The following THAP6 variants were observed in gnomAD, a reference collection of about 807,000 sequenced individuals.
THAP6 encodes THAP domain containing 6, also known as THAP domain-containing protein 6.
A neutral mutation model predicts 20.0 loss-of-function variants in THAP6; 13 were observed. The ratio of observed to expected loss-of-function variants is 0.65; its 90% CI spans 0.42 to 1.03. THAP6 has a LOEUF of 1.03. THAP6 is among the 50% of genes least tolerant of loss of function. The pLI, the probability that THAP6 is intolerant of heterozygous loss-of-function variation, is 0.00. For synonymous variants in THAP6, 93 were observed against 92.2 expected, an observed-to-expected ratio of 1.01 and a Z score of -0.05; for missense variants, 262 against 261.6, an observed-to-expected ratio of 1.00 and a Z score of -0.01.
intron 4 of THAP6, 37 bp from the exon 5 acceptor site, chr4:75,526,923 T>C (rs972286160): frequency 6.2e-7 from 1 of 1,600,586 alleles, no homozygotes; most frequent in South Asian, 1.1e-5. Flanking sequence ...CAACTACATA[T>C]CTGTCTGATT....
At position 75,521,877 on chromosome 4, in the gene THAP6, G is replaced by A; in HGVS notation, c.414+16G>A. On this transcript the variant is annotated intron_variant, in intron 4 of 4. Transcript: ENST00000311638. ...GTTCATTTTTGTAAGTAAATTACTT[G>A]CTGAGCTCATGTTAATTCTTTTAAG... The A allele has an allele frequency of 6.2e-7, 1 of 1,612,960 alleles. No individual in the cohort carries two copies. The highest frequency in any genetic ancestry group is 1.3e-5 in the African/African-American group (1 of 74,982).
At chr4:75,525,805 G>A (rs765710932) in intron 4 of THAP6, among the ~76,000 whole-genome samples, 112 of 152,342 alleles carry the variant, frequency 7.4e-4, no homozygotes, top group Admixed American at 3.9e-4. Context: ...CATACTTAGT[G>A]TCCATGAATC....
chr4:75,519,055 C>T (rs1465500395), intron 3 of THAP6, among the ~76,000 whole-genome samples: 3 of 152,208 alleles, frequency 2.0e-5, no homozygotes, highest in African/African-American at 7.2e-5. Context: ...AGAAGCCTCC[C>T]TCACATGCTT....
Position 75,527,533 on chromosome 4 carries a change from A to C in THAP6, c.*319A>C, listed in dbSNP as rs1055997347. 9.0e-7 allele frequency: 1 copy of C among 1,108,194 alleles called. No homozygotes were observed. Among genetic ancestry groups the C allele is most frequent in the Non-Finnish European group, 1.1e-6 (1 of 906,102 alleles). The allele number at this position is 1,108,194 out of a possible 1,614,324, so 68.6% of individuals were successfully genotyped here. A position where few individuals can be genotyped will look rare whatever the true frequency, so the allele number is the denominator to read the frequency against. On this transcript the variant is annotated 3_prime_UTR_variant, in exon 5 of 5. Coordinates refer to ENST00000311638, the MANE Select transcript of THAP6 (RefSeq NM_144721.6). ...AATTAGTCACATTAAGCTATAGTAG[A>C]AGGAATTGGACACTTCTCCAGATAT...
chr4:75,539,385 GAAC>G (rs1490195871), intron 2 of THAP6, among the ~76,000 whole-genome samples: 7 of 152,146 alleles, frequency 4.6e-5, no homozygotes, highest in Admixed American at 1.3e-4. Context: ...TAGTGTGAGA[GAAC>G]AACAGGAATA....
rs900785516 is a variant in THAP6 at position 75,529,669 on chromosome 4, C to G, written c.*2455C>G. The G allele has an allele frequency of 1.2e-5, 12 of 985,358 alleles. No individual in the cohort carries two copies. In the African/African-American group the frequency reaches 1.7e-4, roughly 14 times the overall value. The allele number at this position is 985,358 out of a possible 1,614,324, so 61.0% of individuals were successfully genotyped here. On this transcript the variant is annotated 3_prime_UTR_variant, in exon 5 of 5. Coordinates refer to ENST00000311638, the MANE Select transcript of THAP6 (RefSeq NM_144721.6). Reference sequence around the variant, plus strand: ...GTGTAAAGCAAAACCCAAGTCATCCCCCTCCAGAAATTTCTCTGGCAGCCA... The same window carrying G: ...GTGTAAAGCAAAACCCAAGTCATCCGCCTCCAGAAATTTCTCTGGCAGCCA...
intron 2 of THAP6, among the ~76,000 whole-genome samples, chr4:75,540,470 T>G (rs1726973073): frequency 6.6e-6 from 1 of 152,212 alleles, no homozygotes; most frequent in Admixed American, 6.5e-5. Context: ...CTCCATGTTC[T>G]GTGGTCAGTT....
intron 3 of THAP6, 37 bp downstream of exon 3, chr4:75,517,016 CTTTTTTTTTT>C (rs34218401): frequency 2.2e-6 from 2 of 903,690 alleles, no homozygotes; most frequent in East Asian, 6.0e-5. Flanking sequence ...TCATTGCTCA[CTTTTTTTTTT>C]TTTTTTTTTT....
chr4:75,514,159 C>A, upstream of THAP6: 2 of 1,586,364 alleles, frequency 1.3e-6, no homozygotes, highest in South Asian at 1.1e-5. Context: ...CCCAACCTGA[C>A]GGAAGCTTGT....
In THAP6 at chr4:75,529,261, A is replaced by G. The variant is rs1275998281; in HGVS notation, c.*2047A>G. 3 of 985,146 alleles carry G rather than the reference A, an allele frequency of 3.0e-6. No individual in the cohort carries two copies. Among genetic ancestry groups the G allele is most frequent in the Non-Finnish European group, 3.6e-6 (3 of 829,800 alleles). The allele number at this position is 985,146 out of a possible 1,614,324, so 61.0% of individuals were successfully genotyped here. Reference sequence around the variant, plus strand: ...AGTAAGTAAGAGGGTAGATCCAAACACAGTATGTCTAAATTCTAGCACTCT... The same window carrying G: ...AGTAAGTAAGAGGGTAGATCCAAACGCAGTATGTCTAAATTCTAGCACTCT... On this transcript the variant is annotated 3_prime_UTR_variant, in exon 5 of 5. Coordinates refer to ENST00000311638, the MANE Select transcript of THAP6 (RefSeq NM_144721.6).
chr4:75,517,016 C>CA, intron 3 of THAP6, 37 bp downstream of exon 3: 1 of 903,686 alleles, frequency 1.1e-6, no homozygotes, highest in South Asian at 1.9e-5. Context: ...TCATTGCTCA[C>CA]TTTTTTTTTT....
At chr4:75,521,223 A>G (rs1726006582) in intron 3 of THAP6, among the ~76,000 whole-genome samples, 1 of 151,694 alleles carries the variant, frequency 6.6e-6, no homozygotes, top group South Asian at 2.1e-4. Flanking sequence ...TTAAGATTAT[A>G]TAAATATTCT....
chr4:75,531,683 T>C (rs1726684144), downstream of THAP6, among the ~76,000 whole-genome samples: 1 of 152,050 alleles, frequency 6.6e-6, no homozygotes, highest in Non-Finnish European at 1.5e-5. Flanking sequence ...TCCACATGGC[T>C]GGGGAGGCCT....
At chr4:75,531,297 C>T (rs958417111), downstream of THAP6, among the ~76,000 whole-genome samples, 3 of 152,176 alleles carry the variant, frequency 2.0e-5, no homozygotes, top group South Asian at 4.1e-4. Context: ...TGGTAGGCAA[C>T]GTGTATTGTC....
At chr4:75,531,869 T>C (rs1017802202), downstream of THAP6, among the ~76,000 whole-genome samples, 6 of 151,912 alleles carry the variant, frequency 3.9e-5, no homozygotes, top group African/African-American at 1.5e-4. Flanking sequence ...CCCTCATGAT[T>C]CAGTCATCTC....
At chr4:75,514,290 C>T (rs369060868), upstream of THAP6, 51 of 1,610,862 alleles carry the variant, frequency 3.2e-5, no homozygotes, top group African/African-American at 4.0e-5. Context: ...CCGCCATCTC[C>T]TCCACCTCCC....
chr4:75,521,037 A>G (rs939094444), intron 3 of THAP6, among the ~76,000 whole-genome samples: 1 of 152,022 alleles, frequency 6.6e-6, no homozygotes, highest in African/African-American at 2.4e-5. Flanking sequence ...ACTGCCATCT[A>G]CATTGCAGTT....
In THAP6 at chr4:75,528,980, G is replaced by T; in HGVS notation, c.*1766G>T. The T allele has an allele frequency of 2.2e-5, 11 of 495,166 alleles. No individual in the cohort carries two copies. The highest frequency in any genetic ancestry group is 2.9e-5 in the Non-Finnish European group (11 of 382,326). The allele number at this position is 495,166 out of a possible 1,614,324, so 30.7% of individuals were successfully genotyped here. On this transcript the variant is annotated 3_prime_UTR_variant, in exon 5 of 5. Transcript: ENST00000311638. ...AGGCAGGAGAATTGCTTGAACCCGG[G>T]AGGCGGAGATTGCAGTGAGCCAAGA...
intron 2 of THAP6, chr4:75,539,784 GTA>G (rs1726956278): frequency 6.6e-7 from 1 of 1,524,298 alleles, no homozygotes; most frequent in Non-Finnish European, 8.8e-7. Flanking sequence ...ATTTCATTGC[GTA>G]TAAAACGTAG....
Sources: allele counts gnomAD v4.1 joint callset (sites outside exome capture counted in the v4.1 genomes callset), GRCh38; gene constraint gnomAD v4.1.1; transcripts MANE v1.5; gene names NCBI Gene and HGNC (gene_info 2026-07-23, HGNC 2026-07-21).